ROBO1: variants seen among roughly 807,000 people sequenced by gnomAD.
ROBO1 encodes the protein roundabout homolog 1.
ROBO1 carries 149 observed loss-of-function variants against 195.9 expected under a neutral mutation model. That is an observed-to-expected ratio of 0.76 (90% confidence interval 0.67 to 0.87). ROBO1 has a LOEUF of 0.87. Among genes scored for constraint, ROBO1 ranks in the 40% least tolerant of loss-of-function variants. The pLI, the probability that ROBO1 is intolerant of heterozygous loss-of-function variation, is 0.00. For synonymous variants in ROBO1, 816 were observed against 733.2 expected (o/e 1.11, Z -1.82); for missense variants, 1,933 against 2,068.3 (o/e 0.93, Z 1.27).
At chr3:78,859,976 G>A (rs2034694481) in intron 4 of ROBO1, among the ~76,000 whole-genome samples, 2 of 152,036 alleles carry the variant, frequency 1.3e-5, no homozygotes, top group African/African-American at 4.8e-5. Context: ...CTACTCGAGA[G>A]GCTGAGGCAG....
intron 8 of ROBO1, chr3:78,693,269 G>C: frequency 6.5e-7 from 1 of 1,538,784 alleles, no homozygotes; most frequent in Non-Finnish European, 8.8e-7. Context: ...ACATGGAAGG[G>C]TATGGATGGA....
At chr3:79,436,536 T>C (rs891020693) in intron 2 of ROBO1, among the ~76,000 whole-genome samples, 5 of 152,128 alleles carry the variant, frequency 3.3e-5, no homozygotes, top group Non-Finnish European at 5.9e-5. Context: ...CTCAATGTTA[T>C]TTATTTATTT....
chr3:79,756,576 A>T (rs950433703), intron 1 of ROBO1, among the ~76,000 whole-genome samples: 55 of 148,272 alleles, frequency 3.7e-4, no homozygotes, highest in African/African-American at 1.3e-3. Context: ...AAAAAAAAGT[A>T]GAGATATTTT....
intron 4 of ROBO1, among the ~76,000 whole-genome samples, chr3:78,885,424 A>T (rs1225265222): frequency 6.8e-6 from 1 of 145,990 alleles, no homozygotes; most frequent in African/African-American, 2.4e-5. Context: ...AAAAAAAAAA[A>T]AAAAAAAAAA....
At chr3:78,875,907 ATT>A (rs2035814773) in intron 4 of ROBO1, among the ~76,000 whole-genome samples, 1 of 152,226 alleles carries the variant, frequency 6.6e-6, no homozygotes, top group Middle Eastern at 3.4e-3. Flanking sequence ...TTAGTGTCAG[ATT>A]TTGTTACCTG....
chr3:79,187,236 C>A (rs1411732949), intron 2 of ROBO1, among the ~76,000 whole-genome samples: 1 of 151,924 alleles, frequency 6.6e-6, no homozygotes, highest in Non-Finnish European at 1.5e-5. Context: ...GATCTGTCCC[C>A]ATATGGAACT....
At chr3:79,053,863 T>C (rs1373103895) in intron 3 of ROBO1, among the ~76,000 whole-genome samples, 1 of 152,138 alleles carries the variant, frequency 6.6e-6, no homozygotes, top group Non-Finnish European at 1.5e-5. Context: ...CCGGTCATGC[T>C]AGAACCTCCC....
chr3:79,209,741 G>A (rs538960996), intron 2 of ROBO1, among the ~76,000 whole-genome samples: 1 of 152,174 alleles, frequency 6.6e-6, no homozygotes, highest in South Asian at 2.1e-4. Context: ...AAAAGAGGAA[G>A]TCAAATGGTT....
At chr3:79,453,145 A>C (rs1366973981) in intron 2 of ROBO1, among the ~76,000 whole-genome samples, 9 of 151,990 alleles carry the variant, frequency 5.9e-5, no homozygotes, top group Non-Finnish European at 1.3e-4. Flanking sequence ...CCATCTCCCA[A>C]GCAGTACAAG....
At chr3:79,513,817 T>C (rs1341038888) in intron 2 of ROBO1, among the ~76,000 whole-genome samples, 4 of 152,226 alleles carry the variant, frequency 2.6e-5, no homozygotes, top group Non-Finnish European at 5.9e-5. Context: ...GCTTAATCTA[T>C]ATGAAACTTA....
chr3:79,512,186 C>A (rs896446240), intron 2 of ROBO1, among the ~76,000 whole-genome samples: 2 of 127,566 alleles, frequency 1.6e-5, no homozygotes, highest in Non-Finnish European at 3.7e-5. Context: ...CTGTTTATAT[C>A]ACATAGAATT....
At position 78,657,081 on chromosome 3, in the gene ROBO1, T is replaced by TCTGCAC. The variant is rs1707080597; in HGVS notation, c.2614+11_2614+16dup. ...TAGAGTGAGAGATTGTCAAACTGGA[T>TCTGCAC]CTGCACTGACACTCACCCAGCTGGA... On this transcript the variant is annotated intron_variant, in intron 18 of 30. Coordinates refer to ENST00000464233, the MANE Select transcript of ROBO1 (RefSeq NM_002941.4). 1 of 1,587,258 alleles carries TCTGCAC rather than the reference T, an allele frequency of 6.3e-7. No individual in the cohort carries two copies. Among genetic ancestry groups the TCTGCAC allele is most frequent in the South Asian group, 1.2e-5 (1 of 86,226 alleles).
intron 2 of ROBO1, among the ~76,000 whole-genome samples, chr3:79,229,229 A>G (rs1425329848): frequency 6.6e-6 from 1 of 152,158 alleles, no homozygotes; most frequent in East Asian, 1.9e-4. Flanking sequence ...TTGGTAGACA[A>G]TTCCAAACAC....
rs535893924 is a variant in ROBO1, at chr3:79,614,742, G to C, written c.-50-24781C>G. Among the ~76,000 whole-genome samples the C allele has an allele frequency of 5.9e-5, 9 of 152,062 alleles. No homozygotes were observed. The South Asian group carries it at 1.7e-3, about 28-fold the overall frequency. Reference sequence around the variant, plus strand: ...TATTTGCCAGTTCCATTGATCACAAGACTCAATATCATTATAGCATCAATT... The same window carrying C: ...TATTTGCCAGTTCCATTGATCACAACACTCAATATCATTATAGCATCAATT... On this transcript the variant is annotated intron_variant, in intron 1 of 30. Transcript: ENST00000464233.
At chr3:79,622,849 C>T (rs1458912598) in intron 1 of ROBO1, among the ~76,000 whole-genome samples, 1 of 152,196 alleles carries the variant, frequency 6.6e-6, no homozygotes, top group Non-Finnish European at 1.5e-5. Context: ...GTTCCCTGTA[C>T]CACCCAACTG....
chr3:79,679,777 GA>G (rs998449529), intron 1 of ROBO1, among the ~76,000 whole-genome samples: 86 of 151,640 alleles, frequency 5.7e-4, no homozygotes, highest in African/African-American at 1.9e-3. Context: ...TGAGAAAAAG[GA>G]AAAAAAGAAA....
chr3:79,658,107 A>G (rs1309390700), intron 1 of ROBO1, among the ~76,000 whole-genome samples: 1 of 152,100 alleles, frequency 6.6e-6, no homozygotes, highest in African/African-American at 2.4e-5. Context: ...ATTGCAATTT[A>G]CTTTCTTTGA....
At chr3:79,758,104 T>C (rs1264830002) in intron 1 of ROBO1, among the ~76,000 whole-genome samples, 1 of 152,162 alleles carries the variant, frequency 6.6e-6, no homozygotes, top group East Asian at 1.9e-4. Flanking sequence ...AATTAAAGCA[T>C]TGATGTTATT....
chr3:79,536,593 AAAT>A (rs370149995), intron 2 of ROBO1, among the ~76,000 whole-genome samples: 171 of 152,268 alleles, frequency 1.1e-3, no homozygotes, highest in African/African-American at 3.5e-3. Context: ...ATTTGTTGTA[AAAT>A]AATAATAGCC....
Sources: gnomAD v4.1 joint callset for allele counts (sites outside exome capture counted in the v4.1 genomes callset) on GRCh38, gnomAD v4.1.1 for gene constraint, MANE v1.5 for transcripts, NCBI Gene and HGNC (gene_info 2026-07-23, HGNC 2026-07-21) for gene names.